DPP10: variants seen among roughly 807,000 people sequenced by gnomAD.
DPP10 encodes dipeptidyl peptidase like 10.
A neutral mutation model predicts 120.9 loss-of-function variants in DPP10; 33 were observed. The observed-to-expected ratio is 0.27, with a 90% confidence interval of 0.21 to 0.37. DPP10 has a LOEUF of 0.37. Among genes scored for constraint, DPP10 ranks in the 10% least tolerant of loss-of-function variants. The pLI, the probability that DPP10 is intolerant of heterozygous loss-of-function variation, is 1.00. For synonymous variants in DPP10, 337 were observed against 326.1 expected (o/e 1.03, Z -0.36); for missense variants, 816 against 942.8 (o/e 0.87, Z 1.76).
chr2:114,748,276 G>A (rs1678778572), intron 1 of DPP10, among the ~76,000 whole-genome samples: 2 of 149,828 alleles, frequency 1.3e-5, no homozygotes, highest in Admixed American at 1.3e-4. Flanking sequence ...TCCCTTTATG[G>A]ACCCGTGAGA....
intron 21 of DPP10, among the ~76,000 whole-genome samples, chr2:115,832,902 CTTG>C (rs964801410): frequency 8.6e-5 from 13 of 152,032 alleles, no homozygotes; most frequent in African/African-American, 3.1e-4. Context: ...GCAGTAATAA[CTTG>C]TTGTATATAA....
intron 5 of DPP10, among the ~76,000 whole-genome samples, chr2:115,528,916 A>G (rs1199047814): frequency 1.3e-5 from 2 of 151,996 alleles, no homozygotes; most frequent in African/African-American, 2.4e-5. Flanking sequence ...CTTTGTGGAG[A>G]TAGAAATGCT....
At chr2:115,734,392 T>C (rs929345312) in intron 8 of DPP10, among the ~76,000 whole-genome samples, 1 of 152,074 alleles carries the variant, frequency 6.6e-6, no homozygotes, top group Non-Finnish European at 1.5e-5. Context: ...GCATGGTAGC[T>C]GACGCCTGTA....
At chr2:115,318,111 AT>A (rs538678101) in intron 2 of DPP10, among the ~76,000 whole-genome samples, 2 of 151,446 alleles carry the variant, frequency 1.3e-5, no homozygotes, top group Admixed American at 6.6e-5. Context: ...TTTTGAGTTA[AT>A]TTTTTTTATG....
At chr2:114,853,633 T>TA (rs1175205080) in intron 1 of DPP10, among the ~76,000 whole-genome samples, 2 of 152,214 alleles carry the variant, frequency 1.3e-5, no homozygotes, top group Non-Finnish European at 2.9e-5. Flanking sequence ...TTGCTTTTTT[T>TA]ATTTAATAGA....
At chr2:115,300,487 A>G (rs910460645) in intron 1 of DPP10, among the ~76,000 whole-genome samples, 11 of 152,072 alleles carry the variant, frequency 7.2e-5, no homozygotes, top group African/African-American at 2.7e-4. Context: ...TCATTTACCA[A>G]TGATCATCTG....
chr2:115,312,457 C>A (rs1422627036), intron 2 of DPP10, among the ~76,000 whole-genome samples: 2 of 152,046 alleles, frequency 1.3e-5, no homozygotes, highest in Admixed American at 1.3e-4. Flanking sequence ...GAGTCTTCAG[C>A]CTGGAAGAAC....
chr2:115,544,919 C>T (rs2079407799), intron 5 of DPP10, among the ~76,000 whole-genome samples: 1 of 152,008 alleles, frequency 6.6e-6, no homozygotes, highest in South Asian at 2.1e-4. Context: ...TGTTTATCCT[C>T]AGAAAGTTTT....
At chr2:114,809,576 C>T (rs561466347) in intron 1 of DPP10, among the ~76,000 whole-genome samples, 270 of 152,248 alleles carry the variant, frequency 1.8e-3, no homozygotes, top group Middle Eastern at 0.014. Flanking sequence ...TTGTGACAAT[C>T]GTGTGAAAGG....
intron 1 of DPP10, among the ~76,000 whole-genome samples, chr2:115,063,552 C>T (rs1447299451): frequency 6.6e-6 from 1 of 152,120 alleles, no homozygotes; most frequent in African/African-American, 2.4e-5. Context: ...CAGCTTAGTA[C>T]TGGTACAAAA....
intron 3 of DPP10, among the ~76,000 whole-genome samples, chr2:115,466,978 T>C: frequency 6.6e-6 from 1 of 152,146 alleles, no homozygotes; most frequent in Non-Finnish European, 1.5e-5. Flanking sequence ...AAGTACTTCT[T>C]GGTGACAGTG....
intron 1 of DPP10, among the ~76,000 whole-genome samples, chr2:114,664,626 CAAAAAAA>C (rs374561367): frequency 3.7e-5 from 3 of 81,562 alleles, no homozygotes; most frequent in Non-Finnish European, 8.7e-5. Context: ...GACTCCGTCT[CAAAAAAA>C]AAAAAAAAAA....
chr2:114,796,336 C>T (rs1196692417), intron 1 of DPP10, among the ~76,000 whole-genome samples: 2 of 152,152 alleles, frequency 1.3e-5, no homozygotes, highest in Admixed American at 1.3e-4. Context: ...CCATTTCAGA[C>T]AGACAATTCA....
chr2:115,330,416 T>C (rs1441076440), intron 2 of DPP10, among the ~76,000 whole-genome samples: 1 of 151,160 alleles, frequency 6.6e-6, no homozygotes, highest in East Asian at 1.9e-4. Context: ...TTTCTTTTGC[T>C]GTGCAGAAGC....
chr2:114,757,234 G>A (rs1679844806), intron 1 of DPP10, among the ~76,000 whole-genome samples: 1 of 143,780 alleles, frequency 7.0e-6, no homozygotes, highest in Non-Finnish European at 1.5e-5. Context: ...TGGGGAAGAG[G>A]GAGGAAGGAA....
chr2:115,723,115 A>T (rs563065882), intron 7 of DPP10, among the ~76,000 whole-genome samples: 1 of 152,278 alleles, frequency 6.6e-6, no homozygotes, highest in African/African-American at 2.4e-5. Context: ...TGAGAAGACT[A>T]TTTTGAAAGG....
At chr2:115,222,457 A>T (rs2057223011) in intron 1 of DPP10, among the ~76,000 whole-genome samples, 1 of 152,060 alleles carries the variant, frequency 6.6e-6, no homozygotes, top group Non-Finnish European at 1.5e-5. Flanking sequence ...GTCTCATGAG[A>T]TCCATTGGTT....
At chr2:114,530,754 G>A (rs1685903893) in intron 1 of DPP10, among the ~76,000 whole-genome samples, 1 of 151,980 alleles carries the variant, frequency 6.6e-6, no homozygotes, top group Non-Finnish European at 1.5e-5. Context: ...AAAATACTAA[G>A]GAGATAATTA....
At position 115,753,191 on chromosome 2, in the gene DPP10, T is replaced by A; in HGVS notation, c.968T>A (p.Met323Lys). Reference sequence around the variant, plus strand: ...CAAACTAGAGAATACTATATCACTATGGTTAAATGGGTAAGCAATACCAAG... The same window carrying A: ...CAAACTAGAGAATACTATATCACTAAGGTTAAATGGGTAAGCAATACCAAG... The part of the protein sequence containing the change: ...SFKSREYYIT[M>K]VKWVSNTKTV... The change falls in exon 11 of 26, where the codon ATG (methionine) becomes AAG (lysine). Residue 323 changes from methionine (M) to lysine (K), a missense_variant. Physicochemically the swap from Met to Lys is moderately conservative, Grantham distance 95 (BLOSUM62 -1). Coordinates refer to ENST00000410059, the MANE Select transcript of DPP10 (RefSeq NM_020868.6). 1 of 1,611,028 alleles carries A rather than the reference T, an allele frequency of 6.2e-7. No individual in the cohort carries two copies. The highest frequency in any genetic ancestry group is 2.2e-5 in the East Asian group (1 of 44,640).
Sources: gnomAD v4.1 joint callset for allele counts (sites outside exome capture counted in the v4.1 genomes callset) on GRCh38, gnomAD v4.1.1 for gene constraint, MANE v1.5 for transcripts, NCBI Gene and HGNC (gene_info 2026-07-23, HGNC 2026-07-21) for gene names.